Variants in UBR2 observed in about 807,000 individuals in gnomAD.
UBR2 encodes E3 ubiquitin-protein ligase UBR2.
A neutral mutation model predicts 247.9 loss-of-function variants in UBR2; 92 were observed. That is an observed-to-expected ratio of 0.37 (90% CI 0.31 to 0.44). The LOEUF is 0.44. Ranked by LOEUF, UBR2 falls within the 20% of genes least tolerant of loss-of-function variation. The pLI is 1.00. For missense variants in UBR2, 1,613 were observed against 2,112.6 expected (o/e 0.76, Z 4.64); for synonymous variants, 672 against 693.5 (o/e 0.97, Z 0.49).
chr6:42,648,947 G>A (rs1031980571), intron 22 of UBR2, among the ~76,000 whole-genome samples: 10 of 151,898 alleles, frequency 6.6e-5, no homozygotes, highest in East Asian at 3.8e-4. Context: ...TTGGGGGGGC[G>A]GGTTGTTGGT....
chr6:42,610,134 A>T (rs1671341990), intron 7 of UBR2, among the ~76,000 whole-genome samples: 1 of 152,110 alleles, frequency 6.6e-6, no homozygotes. Context: ...TGATCATGGT[A>T]CCTGTGAATA....
At chr6:42,622,311 G>A (rs988786782) in intron 11 of UBR2, among the ~76,000 whole-genome samples, 2 of 150,438 alleles carry the variant, frequency 1.3e-5, no homozygotes, top group Non-Finnish European at 3.0e-5. Flanking sequence ...GAGCCACTGC[G>A]CCTGGCCCCC....
chr6:42,673,188 C>A (rs1798541601), intron 36 of UBR2, among the ~76,000 whole-genome samples: 1 of 152,168 alleles, frequency 6.6e-6, no homozygotes, highest in Admixed American at 6.5e-5. Context: ...TTTGGAGTAT[C>A]TCTTTAGGAT....
At chr6:42,690,746 C>G (rs918107648) in intron 46 of UBR2, among the ~76,000 whole-genome samples, 15 of 152,148 alleles carry the variant, frequency 9.9e-5, no homozygotes, top group Admixed American at 9.2e-4. Context: ...GCCTCTCAAC[C>G]CAGACCCTCC....
At chr6:42,613,671 A>T (rs879743081) in intron 8 of UBR2, among the ~76,000 whole-genome samples, 2 of 152,158 alleles carry the variant, frequency 1.3e-5, no homozygotes, top group Non-Finnish European at 2.9e-5. Flanking sequence ...GTTGTGCTAC[A>T]GTATTACTGA....
chr6:42,690,910 C>T (rs1799720012), intron 46 of UBR2, 122 bp from the exon 47 acceptor site: 1 of 1,258,128 alleles, frequency 7.9e-7, no homozygotes, highest in Non-Finnish European at 1.1e-6. Flanking sequence ...ACCTGCCAGA[C>T]AGAAATGTTG....
intron 22 of UBR2, among the ~76,000 whole-genome samples, chr6:42,648,613 T>C (rs547108133): frequency 6.6e-6 from 1 of 152,354 alleles, no homozygotes; most frequent in South Asian, 2.1e-4. Context: ...TAAAGCAGTT[T>C]CTTAAGCCTG....
intron 27 of UBR2, 43 bp from the exon 28 acceptor site, chr6:42,658,197 T>C: frequency 6.2e-7 from 1 of 1,610,640 alleles, no homozygotes; most frequent in Non-Finnish European, 8.5e-7. Context: ...GTGTACATTG[T>C]GATCATATTT....
intron 17 of UBR2, 26 bp downstream of exon 17, chr6:42,641,718 A>C (rs1438488079): frequency 6.3e-7 from 1 of 1,577,684 alleles, no homozygotes; most frequent in African/African-American, 1.4e-5. Flanking sequence ...TTCTATGAAG[A>C]GTTTTCATTC....
At chr6:42,566,869 A>G (rs1308770728) in intron 1 of UBR2, among the ~76,000 whole-genome samples, 1 of 152,186 alleles carries the variant, frequency 6.6e-6, no homozygotes, top group Non-Finnish European at 1.5e-5. Context: ...ATTAAAATAT[A>G]AAATTCCTTC....
intron 15 of UBR2, 104 bp downstream of exon 15, chr6:42,637,298 T>C: frequency 8.1e-7 from 1 of 1,238,210 alleles, no homozygotes; most frequent in Non-Finnish European, 1.1e-6. Flanking sequence ...TATTCTGTGA[T>C]TTCTACATCA....
At chr6:42,590,267 G>C (rs1352792865) in intron 2 of UBR2, among the ~76,000 whole-genome samples, 1 of 152,200 alleles carries the variant, frequency 6.6e-6, no homozygotes, top group African/African-American at 2.4e-5. Flanking sequence ...AGGGATCCTT[G>C]AGTGCTCCAG....
intron 4 of UBR2, among the ~76,000 whole-genome samples, chr6:42,599,971 AT>A (rs1209613209): frequency 6.6e-6 from 1 of 152,132 alleles, no homozygotes. Context: ...TAATAGATTT[AT>A]TTTTTGTAAA....
intron 2 of UBR2, 54 bp from the exon 3 acceptor site, chr6:42,592,097 G>A: frequency 6.8e-7 from 1 of 1,475,720 alleles, no homozygotes; most frequent in Non-Finnish European, 9.3e-7. Context: ...TAATTCTGTT[G>A]TGAAATATAT....
rs1000246857 is a variant in UBR2, at chr6:42,659,532, C to T, written c.3243-124C>T. The T allele has an allele frequency of 1.3e-3, 760 of 599,686 alleles. 4 individuals are homozygous for T. Among genetic ancestry groups the T allele is most frequent in the African/African-American group, 6.8e-3 (346 of 50,772 alleles). The allele number at this position is 599,686 out of a possible 1,614,324, so 37.1% of individuals were successfully genotyped here. On this transcript the variant is annotated intron_variant, in intron 29 of 46. Coordinates refer to ENST00000372901, the MANE Select transcript of UBR2 (RefSeq NM_001363705.2). The surrounding 1 kb of genome is among the most constrained non-coding windows in gnomAD (Gnocchi z 4.3). ...AAATAAATATATATACACACACACACACACACACACACACACACACACACA... is the reference window on the plus strand; with the variant it reads ...AAATAAATATATATACACACACACATACACACACACACACACACACACACA...
At chr6:42,608,974 A>G (rs940227660) in intron 7 of UBR2, among the ~76,000 whole-genome samples, 1 of 152,224 alleles carries the variant, frequency 6.6e-6, no homozygotes, top group African/African-American at 2.4e-5. Flanking sequence ...TTAATAATGT[A>G]TCAGAAACTG....
At chr6:42,571,239 T>A (rs2151900420) in intron 1 of UBR2, among the ~76,000 whole-genome samples, 3 of 81,240 alleles carry the variant, frequency 3.7e-5, no homozygotes, top group East Asian at 3.4e-4. Context: ...CAAGACTCCG[T>A]CTCAAAAAAA....
Position 42,642,143 on chromosome 6 carries a change from C to A in UBR2, c.2032-273C>A, listed in dbSNP as rs1238064968. Among the ~76,000 whole-genome samples the A allele has an allele frequency of 1.3e-5, 2 of 151,960 alleles. No homozygotes were observed. Among genetic ancestry groups the A allele is most frequent in the Non-Finnish European group, 2.9e-5 (2 of 68,014 alleles). ...GCCATAAACAGATTTTGTTTTTCTCCTGTGTTTGGTAGCTCCTAACCTTCC... is the reference window on the plus strand; with the variant it reads ...GCCATAAACAGATTTTGTTTTTCTCATGTGTTTGGTAGCTCCTAACCTTCC... On this transcript the variant is annotated intron_variant, in intron 17 of 46. Coordinates refer to ENST00000372901, the MANE Select transcript of UBR2 (RefSeq NM_001363705.2).
chr6:42,592,160 A>G lies in UBR2; in HGVS notation c.348A>G (p.Ala116=), dbSNP rs754378435. 5 of 1,603,490 alleles carry G rather than the reference A, an allele frequency of 3.1e-6. No homozygotes were observed. In the Admixed American group the frequency reaches 7.0e-5, roughly 23 times the overall value. ...TTTTTTAACTTTACAGAGACTGTGC[A>G]GTTGATCCAACTTGTGTTTTGTGCA... The part of the protein sequence containing the change: ...GEPTYSCRDC[A]VDPTCVLCME... The change falls in exon 3 of 47, where the codon GCA becomes GCG. Residue 116 remains alanine, a synonymous_variant. Coordinates refer to ENST00000372901, the MANE Select transcript of UBR2 (RefSeq NM_001363705.2).
Sources: gnomAD v4.1 joint callset for allele counts (sites outside exome capture counted in the v4.1 genomes callset) on GRCh38, gnomAD v4.1.1 for gene constraint, Gnocchi (gnomAD v3.1) non-coding constraint, MANE v1.5 for transcripts, NCBI Gene and HGNC (gene_info 2026-07-23, HGNC 2026-07-21) for gene names.